The following ACVR2A variants were observed in gnomAD, a reference collection of about 807,000 sequenced individuals.
ACVR2A encodes activin A receptor type 2A.
ACVR2A carries 7 observed loss-of-function variants against 61.4 expected under a neutral mutation model. The observed-to-expected ratio is 0.11, with a 90% CI of 0.06 to 0.21. The LOEUF (loss-of-function observed/expected upper bound fraction) is 0.21, where lower values mean the gene tolerates loss of function less well. Among genes scored for constraint, ACVR2A ranks in the 10% least tolerant of loss-of-function variants. The pLI is 1.00. For missense variants in ACVR2A, 322 were observed against 621.7 expected, an observed-to-expected ratio of 0.52 and a Z score of 5.13; for synonymous variants, 193 against 208.3, an observed-to-expected ratio of 0.93 and a Z score of 0.63.
chr2:147,910,102 A>T (rs968666600), intron 4 of ACVR2A, among the ~76,000 whole-genome samples: 2 of 151,884 alleles, frequency 1.3e-5, no homozygotes, highest in African/African-American at 2.4e-5. Flanking sequence ...ACTTAAGTGA[A>T]TGTATTTTTT....
chr2:147,868,808 T>G (rs894245002), intron 1 of ACVR2A, among the ~76,000 whole-genome samples: 5 of 151,958 alleles, frequency 3.3e-5, no homozygotes, highest in African/African-American at 9.7e-5. Flanking sequence ...TTTTTAATTT[T>G]TTTTGTAGAA....
chr2:147,850,513 T>C (rs755398884), intron 1 of ACVR2A, among the ~76,000 whole-genome samples: 14 of 152,182 alleles, frequency 9.2e-5, no homozygotes, highest in Non-Finnish European at 2.9e-5. Context: ...CATCTTATTA[T>C]TCATTTATCA....
At chr2:147,847,839 A>G (rs189132412) in intron 1 of ACVR2A, among the ~76,000 whole-genome samples, 2 of 152,072 alleles carry the variant, frequency 1.3e-5, no homozygotes, top group Non-Finnish European at 2.9e-5. Flanking sequence ...ATTGTGGTTT[A>G]TTTGTGTCTT....
intron 1 of ACVR2A, among the ~76,000 whole-genome samples, chr2:147,862,873 C>T (rs1489904154): frequency 6.6e-6 from 1 of 152,178 alleles, no homozygotes; most frequent in Non-Finnish European, 1.5e-5. Context: ...AGTTATGTCA[C>T]AGCACAACCA....
chr2:147,920,113 A>G, intron 7 of ACVR2A, 117 bp from the exon 8 acceptor site: 1 of 675,874 alleles, frequency 1.5e-6, no homozygotes, highest in Non-Finnish European at 2.5e-6. Context: ...TCTGCATTTC[A>G]TAATTTTAAG....
intron 1 of ACVR2A, among the ~76,000 whole-genome samples, chr2:147,891,578 T>C (rs1033343068): frequency 6.6e-6 from 1 of 151,532 alleles, no homozygotes; most frequent in African/African-American, 2.4e-5. Flanking sequence ...ACCAAAAAAA[T>C]CCAAAAAAAG....
Position 147,927,203 on chromosome 2 carries a change from A to G in ACVR2A, c.1471A>G (p.Thr491Ala). 2 of 1,612,318 alleles carry G rather than the reference A, an allele frequency of 1.2e-6. No individual in the cohort carries two copies. Among genetic ancestry groups the G allele is most frequent in the Non-Finnish European group, 1.7e-6 (2 of 1,178,844 alleles). The change falls in exon 11 of 11, where the codon ACA (threonine) becomes GCA (alanine). Residue 491 changes from threonine (T) to alanine (A), a missense_variant. Thr to Ala is a moderately conservative substitution (Grantham distance 58). Transcript: ENST00000241416. Reference protein sequence around the residue: ...QMQRLTNIITTEDIVTVVTMV... With the variant: ...QMQRLTNIITAEDIVTVVTMV... ...GCAGAGACTAACAAATATTATTACC[A>G]CAGAGGACATTGTAACAGTGGTCAC...
Position 147,858,883 on chromosome 2 carries a change from T to G in ACVR2A, c.55+13676T>G, listed in dbSNP as rs182114925. 2.2e-4 allele frequency among the ~76,000 whole-genome samples: 33 copies of G among 152,274 alleles called. 1 individual carries two copies. The East Asian group carries it at 6.4e-3, about 29-fold the overall frequency. On this transcript the variant is annotated intron_variant, in intron 1 of 10. Transcript: ENST00000241416. ...ATATAATTTCATGTGTCACAGAGTA[T>G]TATTATTTTGATTTTTTTTCAACCA...
intron 8 of ACVR2A, 111 bp from the exon 9 acceptor site, chr2:147,922,862 A>T: frequency 9.1e-7 from 1 of 1,097,324 alleles, no homozygotes; most frequent in Non-Finnish European, 1.3e-6. Context: ...TATAGTGTGT[A>T]TACCTTACCC....
intron 1 of ACVR2A, among the ~76,000 whole-genome samples, chr2:147,866,057 G>A (rs1471464165): frequency 6.6e-6 from 1 of 152,132 alleles, no homozygotes; most frequent in Non-Finnish European, 1.5e-5. Context: ...TCCAAGGCCC[G>A]AGGACAGTTA....
chr2:147,883,025 G>A (rs1383727619), intron 1 of ACVR2A, among the ~76,000 whole-genome samples: 1 of 152,172 alleles, frequency 6.6e-6, no homozygotes, highest in African/African-American at 2.4e-5. Context: ...TTGGGACAGT[G>A]TGGACTTTAT....
At chr2:147,856,286 G>A (rs567844063) in intron 1 of ACVR2A, among the ~76,000 whole-genome samples, 1 of 152,234 alleles carries the variant, frequency 6.6e-6, no homozygotes, top group Non-Finnish European at 1.5e-5. Context: ...TTACACACAG[G>A]TAAAACCAGA....
At chr2:147,888,443 G>T (rs1269549638) in intron 1 of ACVR2A, among the ~76,000 whole-genome samples, 4 of 151,984 alleles carry the variant, frequency 2.6e-5, no homozygotes, top group Non-Finnish European at 5.9e-5. Flanking sequence ...GGTTTTATTT[G>T]ATTTCTTTCA....
rs1459658880 is a variant in ACVR2A at position 147,929,518 on chromosome 2, T to TTAAC, written c.*2246_*2249dup. On this transcript the variant is annotated 3_prime_UTR_variant, in exon 11 of 11. Transcript: ENST00000241416. ...TTTTTAGAAATCCTGGGTATTGTATTTAACTGTAGCTAACCAATTTTAAAA... is the reference window on the plus strand; with the variant it reads ...TTTTTAGAAATCCTGGGTATTGTATTTAACTAACTGTAGCTAACCAATTTTAAAA... 1.8e-4 allele frequency: 27 copies of TTAAC among 152,584 alleles called. No individual in the cohort carries two copies. Among genetic ancestry groups the TTAAC allele is most frequent in the African/African-American group, 6.3e-4 (26 of 41,546 alleles). 9.5% of individuals were successfully genotyped at this position (152,584 alleles called of 1,614,324 possible).
At chr2:147,857,778 C>T (rs2105140324) in intron 1 of ACVR2A, among the ~76,000 whole-genome samples, 1 of 151,946 alleles carries the variant, frequency 6.6e-6, no homozygotes, top group East Asian at 1.9e-4. Context: ...GGATCAGAGG[C>T]TACACACACA....
intron 1 of ACVR2A, among the ~76,000 whole-genome samples, chr2:147,875,787 A>G (rs1217490367): frequency 2.0e-5 from 3 of 152,156 alleles, no homozygotes; most frequent in African/African-American, 7.2e-5. Context: ...TGAAGATGAT[A>G]TTAGCACAGA....
At chr2:147,915,080 T>C in intron 4 of ACVR2A, 111 bp from the exon 5 acceptor site, 1 of 976,478 alleles carries the variant, frequency 1.0e-6, no homozygotes, top group East Asian at 2.6e-5. Flanking sequence ...TTCATATGTG[T>C]TTACTGTTTC....
chr2:147,897,888 T>C (rs900329693), intron 2 of ACVR2A, among the ~76,000 whole-genome samples: 3 of 152,216 alleles, frequency 2.0e-5, no homozygotes, highest in Non-Finnish European at 2.9e-5. Flanking sequence ...TCAAGTGATA[T>C]GTGCTGTTAC....
chr2:147,865,302 C>T (rs745802308), intron 1 of ACVR2A, among the ~76,000 whole-genome samples: 4 of 152,192 alleles, frequency 2.6e-5, no homozygotes, highest in Admixed American at 6.5e-5. Flanking sequence ...GCTCCACATC[C>T]GTACCTTTTG....
Sources: allele counts gnomAD v4.1 joint callset (sites outside exome capture counted in the v4.1 genomes callset), GRCh38; gene constraint gnomAD v4.1.1; transcripts MANE v1.5; gene names NCBI Gene and HGNC (gene_info 2026-07-23, HGNC 2026-07-21).